Variants in NAPA observed in about 807,000 individuals in gnomAD.
NAPA encodes the protein alpha-soluble NSF attachment protein.
Under a neutral mutation model 48.0 loss-of-function variants are expected in NAPA, and 18 were observed. The ratio of observed to expected loss-of-function variants is 0.38; its 90% CI spans 0.26 to 0.56. The LOEUF is 0.56. Among genes scored for constraint, NAPA ranks in the 20% least tolerant of loss-of-function variants. NAPA has a pLI of 0.77. For missense variants in NAPA, 315 were observed against 385.0 expected (o/e 0.82, Z 1.52); for synonymous variants, 152 against 149.9 (o/e 1.01, Z -0.10).
intron 9 of NAPA, 40 bp downstream of exon 9, chr19:47,490,748 G>A: frequency 6.3e-7 from 1 of 1,589,480 alleles, no homozygotes; most frequent in Non-Finnish European, 8.6e-7. Context: ...ACCCCCGTCT[G>A]AGGTTCGGGA....
chr19:47,514,976 C>G lies in NAPA; in HGVS notation c.-36G>C. 1 of 1,602,838 alleles carries G rather than the reference C, an allele frequency of 6.2e-7. No individual in the cohort carries two copies. Among genetic ancestry groups the G allele is most frequent in the Non-Finnish European group, 8.5e-7 (1 of 1,171,964 alleles). ...AAGGGACTCAGCAAAGCGCCTGACC[C>G]TGACCCTGGGAAGACTCAGCCGCGG... On this transcript the variant is annotated 5_prime_UTR_variant, in exon 1 of 11. Transcript: ENST00000263354.
chr19:47,491,946 C>T (rs374558979), intron 8 of NAPA, 69 bp downstream of exon 8: 27 of 1,419,354 alleles, frequency 1.9e-5, no homozygotes, highest in South Asian at 7.1e-5. Context: ...TCGGGGGCAA[C>T]GGGACCTGGC....
intron 4 of NAPA, 163 bp downstream of exon 4, chr19:47,495,387 C>T (rs1214112191): frequency 1.3e-5 from 10 of 764,360 alleles, no homozygotes; most frequent in East Asian, 2.5e-5. Flanking sequence ...CCCAGCCAGC[C>T]CAGGCCAGCT....
intron 1 of NAPA, among the ~76,000 whole-genome samples, chr19:47,512,548 C>T (rs376041571): frequency 1.6e-4 from 25 of 152,254 alleles, no homozygotes; most frequent in East Asian, 1.2e-3. Context: ...AATCCCTGGG[C>T]CAAAGGGACC....
chr19:47,485,139 C>CT, downstream of NAPA, among the ~76,000 whole-genome samples: 1 of 152,304 alleles, frequency 6.6e-6, no homozygotes, highest in East Asian at 1.9e-4. Flanking sequence ...CTCTGATAAT[C>CT]TGATTCCTTA....
At position 47,495,694 on chromosome 19, in the gene NAPA, CAG is replaced by C. The variant is rs1186954379; in HGVS notation, c.296-100_296-99del. 4 of 1,148,218 alleles carry C rather than the reference CAG, an allele frequency of 3.5e-6. No individual in the cohort carries two copies. In the Admixed American group the frequency reaches 5.1e-5, roughly 15 times the overall value. The allele number at this position is 1,148,218 out of a possible 1,614,324, so 71.1% of individuals were successfully genotyped here. On this transcript the variant is annotated intron_variant, in intron 3 of 10. Coordinates refer to ENST00000263354, the MANE Select transcript of NAPA (RefSeq NM_003827.4). ...GGACGCAGGCGCACCTGGCTGCCAG[CAG>C]AGAGATCAATAGGCGCTCAGAGCTG...
intron 3 of NAPA, chr19:47,497,183 A>G (rs767775807): frequency 1.4e-5 from 3 of 207,322 alleles, no homozygotes; most frequent in Non-Finnish European, 3.0e-5. Context: ...CAGTCTCCAC[A>G]TGGAGGCCCC....
chr19:47,496,826 T>A (rs987737296), intron 3 of NAPA: 3 of 455,262 alleles, frequency 6.6e-6, no homozygotes, highest in African/African-American at 6.0e-5. Context: ...TTCTGACATG[T>A]AAACAGTGGG....
rs1316797119 is a variant in NAPA at position 47,495,583 on chromosome 19, A to G, written c.309T>C (p.Cys103=). The G allele has an allele frequency of 6.8e-7, 1 of 1,460,152 alleles. No homozygotes were observed. The allele number at this position is 1,460,152 out of a possible 1,614,324, so 90.4% of individuals were successfully genotyped here. A position where few individuals can be genotyped will look rare whatever the true frequency, so the allele number is the denominator to read the frequency against. ...KKADPQEAIN[C]LMRAIEIYTD... ...TGTAGATCTCGATTGCTCGCATCAA[A>G]CAGTTAATGGCCTCTGGAGAGAAAG... Residue 103 remains cysteine, a synonymous_variant, in exon 4 of 11, where the codon TGT becomes TGC. Transcript: ENST00000263354.
chr19:47,490,356 CTG>C (rs1411713394), intron 9 of NAPA, among the ~76,000 whole-genome samples: 1 of 118,358 alleles, frequency 8.4e-6, no homozygotes, highest in Non-Finnish European at 1.8e-5. Context: ...GATGTGTTTG[CTG>C]TGTGTGGTGT....
Position 47,488,101 on chromosome 19 carries a change from G to A in NAPA, c.*187C>T. 2 of 578,288 alleles carry A rather than the reference G, an allele frequency of 3.5e-6. No homozygotes were observed. The highest frequency in any genetic ancestry group is 6.2e-6 in the Non-Finnish European group (2 of 321,508). 35.8% of individuals were successfully genotyped at this position (578,288 alleles called of 1,614,324 possible). A position where few individuals can be genotyped will look rare whatever the true frequency, so the allele number is the denominator to read the frequency against. ...GGGCAAGGGATGTAGCGAGAACAGAGGGTGACTGTCCGGCCAGCAGCCTGG... is the reference window on the plus strand; with the variant it reads ...GGGCAAGGGATGTAGCGAGAACAGAAGGTGACTGTCCGGCCAGCAGCCTGG... On this transcript the variant is annotated 3_prime_UTR_variant, in exon 11 of 11. Coordinates refer to ENST00000263354, the MANE Select transcript of NAPA (RefSeq NM_003827.4).
intron 10 of NAPA, chr19:47,488,935 C>T (rs1968165171): frequency 6.8e-6 from 1 of 147,602 alleles, no homozygotes; most frequent in Non-Finnish European, 1.5e-5. Context: ...AAAAAAAAGT[C>T]CAGCATCCTC....
At chr19:47,504,934 AG>A (rs1968665457) in intron 1 of NAPA, among the ~76,000 whole-genome samples, 1 of 152,206 alleles carries the variant, frequency 6.6e-6, no homozygotes, top group Non-Finnish European at 1.5e-5. Flanking sequence ...GGAGATAGAC[AG>A]GAATTTGAAA....
At chr19:47,492,758 C>T in intron 7 of NAPA, 1 of 693,940 alleles carries the variant, frequency 1.4e-6, no homozygotes, top group East Asian at 2.7e-5. Context: ...AGAGACGGTG[C>T]TGGCACGGCA....
chr19:47,493,551 G>T lies in NAPA; in HGVS notation c.343-58C>A. On this transcript the variant is annotated intron_variant, in intron 4 of 10. Transcript: ENST00000263354. This position sits in a 1 kb window ranked among gnomAD's most constrained non-coding sequence, Gnocchi z 6.4. ...CTCATGACCTCCTGCGTGCCTGCCT[G>T]CTGACCTATGACCCTTCAAGTTCCC... 6.7e-7 allele frequency: 1 copy of T among 1,493,526 alleles called. No homozygotes were observed. The highest frequency in any genetic ancestry group is 9.3e-7 in the Non-Finnish European group (1 of 1,074,138). The allele number at this position is 1,493,526 out of a possible 1,614,324, so 92.5% of individuals were successfully genotyped here.
At position 47,509,289 on chromosome 19, in the gene NAPA, AAAAATAAAATAAAATAAAATAAAAT is replaced by A. The variant is rs542864086; in HGVS notation, c.98+5529_98+5553del. Reference sequence around the variant, plus strand: ...ATTCTAGAGAGTTTCTTGTGGTGGTAAAAATAAAATAAAATAAAATAAAATAAAATAAAATAAAATAAAATAAAAT... The same window carrying A: ...ATTCTAGAGAGTTTCTTGTGGTGGTAAAAATAAAATAAAATAAAATAAAAT... On this transcript the variant is annotated intron_variant, in intron 1 of 10. Transcript: ENST00000263354. 2.4e-3 allele frequency among the ~76,000 whole-genome samples: 306 copies of A among 129,516 alleles called. 2 individuals are homozygous for A. The highest frequency in any genetic ancestry group is 5.2e-3 in the Admixed American group (66 of 12,764). The allele number at this position is 129,516 out of a possible 152,430, so 85.0% of individuals were successfully genotyped here. A position where few individuals can be genotyped will look rare whatever the true frequency, so the allele number is the denominator to read the frequency against.
In NAPA at chr19:47,489,726, G is replaced by A; in HGVS notation, c.771C>T (p.Asp257=). 1 of 1,614,096 alleles carries A rather than the reference G, an allele frequency of 6.2e-7. No individual in the cohort carries two copies. Among genetic ancestry groups the A allele is most frequent in the Non-Finnish European group, 8.5e-7 (1 of 1,180,006 alleles). ...GGCCACTCACCGACTCGGTGTAGCT[G>A]TCCACATTCTGCTCCTCGTGGGCCT... ...LLEAHEEQNV[D]SYTESVKEYD... The change falls in exon 10 of 11, where the codon GAC becomes GAT. Residue 257 remains aspartate, a synonymous_variant. Coordinates refer to ENST00000263354, the MANE Select transcript of NAPA (RefSeq NM_003827.4).
chr19:47,504,854 G>A (rs917209877), intron 1 of NAPA, among the ~76,000 whole-genome samples: 1 of 152,144 alleles, frequency 6.6e-6, no homozygotes, highest in African/African-American at 2.4e-5. Context: ...TTACAAGGAT[G>A]TTCAGCATAG....
intron 7 of NAPA, chr19:47,492,407 G>T: frequency 2.2e-6 from 1 of 461,208 alleles, no homozygotes; most frequent in African/African-American, 2.0e-5. Context: ...GAGGCAGCCT[G>T]GCTGTCAGGA....
Sources: gnomAD v4.1 joint callset for allele counts (sites outside exome capture counted in the v4.1 genomes callset) on GRCh38, gnomAD v4.1.1 for gene constraint, Gnocchi (gnomAD v3.1) non-coding constraint, MANE v1.5 for transcripts, NCBI Gene and HGNC (gene_info 2026-07-23, HGNC 2026-07-21) for gene names.